DNAH2: variants seen among roughly 807,000 people sequenced by gnomAD.
The protein encoded by DNAH2 is dynein axonemal heavy chain 2, also known as axonemal beta dynein heavy chain 2.
Under a neutral mutation model 523.5 loss-of-function variants are expected in DNAH2, and 323 were observed. The ratio of observed to expected loss-of-function variants is 0.62; its 90% CI spans 0.56 to 0.68. The LOEUF is 0.68. Ranked by LOEUF, DNAH2 falls within the 30% of genes least tolerant of loss-of-function variation. The pLI is 0.00. For synonymous variants in DNAH2, 2,093 were observed against 2,177.4 expected, an observed-to-expected ratio of 0.96 and a Z score of 1.08; for missense variants, 4,907 against 5,701.5, an observed-to-expected ratio of 0.86 and a Z score of 4.49.
At chr17:7,756,922 C>T (rs1198858583) in intron 12 of DNAH2, among the ~76,000 whole-genome samples, 169 bp from the exon 13 acceptor site, 1 of 152,224 alleles carries the variant, frequency 6.6e-6, no homozygotes. Flanking sequence ...CCGCCTGCCT[C>T]GGCCCCACAA....
chr17:7,727,395 C>A, intron 4 of DNAH2, 103 bp downstream of exon 4: 1 of 1,433,396 alleles, frequency 7.0e-7, no homozygotes, highest in South Asian at 1.4e-5. Context: ...TGCCCACGGC[C>A]TATTGAGCCC....
At chr17:7,815,595 G>T (rs1356465618) in intron 63 of DNAH2, among the ~76,000 whole-genome samples, 2 of 148,768 alleles carry the variant, frequency 1.3e-5, no homozygotes, top group Non-Finnish European at 3.0e-5. Context: ...CACATATACA[G>T]GATCACATAC....
At chr17:7,734,061 T>A (rs770356634) in intron 5 of DNAH2, 122 bp from the exon 6 acceptor site, 5 of 795,056 alleles carry the variant, frequency 6.3e-6, no homozygotes, top group Non-Finnish European at 9.9e-6. Flanking sequence ...CACCATTTCT[T>A]CTACCTGCTC....
intron 4 of DNAH2, among the ~76,000 whole-genome samples, chr17:7,727,637 T>C (rs2074861747): frequency 6.6e-6 from 1 of 150,766 alleles, no homozygotes; most frequent in Non-Finnish European, 1.5e-5. Context: ...ACACCTGTAA[T>C]CCCAGCTACT....
At chr17:7,726,631 T>G (rs990123887) in intron 3 of DNAH2, among the ~76,000 whole-genome samples, 5 of 152,084 alleles carry the variant, frequency 3.3e-5, no homozygotes, top group African/African-American at 1.2e-4. Context: ...TCTTTTTCCC[T>G]CCTCACTTTT....
chr17:7,719,576 A>T, intron 1 of DNAH2, 145 bp from the exon 2 acceptor site: 2 of 1,022,328 alleles, frequency 2.0e-6, no homozygotes, highest in Non-Finnish European at 2.9e-6. Flanking sequence ...CCTTGTGGTT[A>T]ATGGAGCAGG....
At chr17:7,806,651 T>C (rs1597724320) in intron 61 of DNAH2, among the ~76,000 whole-genome samples, 1 of 94,698 alleles carries the variant, frequency 1.1e-5, no homozygotes, top group African/African-American at 4.2e-5. Context: ...AGAGCGACAC[T>C]CCATCTCAAA....
rs553890789 is a variant in DNAH2 at position 7,779,506 on chromosome 17, C to T, written c.5722+83C>T. 1.5e-5 allele frequency: 21 copies of T among 1,401,728 alleles called. No individual in the cohort carries two copies. The Admixed American group carries it at 2.0e-4, about 13-fold the overall frequency. The allele number at this position is 1,401,728 out of a possible 1,614,324, so 86.8% of individuals were successfully genotyped here. On this transcript the variant is annotated intron_variant, in intron 36 of 85. Transcript: ENST00000572933. ...AAATAACTGCGCATCCTCCTCTTCC[C>T]CCTTCCATGCGAATGTATATAGCTA...
At chr17:7,830,893 G>T (rs367811420) in intron 79 of DNAH2, 51 bp downstream of exon 79, 1 of 1,608,566 alleles carries the variant, frequency 6.2e-7, no homozygotes, top group Non-Finnish European at 8.5e-7. Context: ...AAGTCAGCCA[G>T]GTGGTGGGAT....
In DNAH2 at chr17:7,777,488, T is replaced by G. The variant is rs75467626; in HGVS notation, c.5101T>G (p.Leu1701Val). 7 of 1,614,170 alleles carry G rather than the reference T, an allele frequency of 4.3e-6. No homozygotes were observed. Among genetic ancestry groups the G allele is most frequent in the Middle Eastern group, 1.6e-4 (1 of 6,062 alleles). ...NKYSEAIRGN[L>V]TKIMRLKIVA... ...GTATTCAGAAGCCATCAGGGGGAAC[T>G]TGACCAAGATCATGCGGCTTAAAAT... The change falls in exon 33 of 86, where the codon TTG becomes GTG. Residue 1701 changes from leucine to valine, a missense_variant. Physicochemically the swap from Leu to Val is conservative, Grantham distance 32 (BLOSUM62 1). This residue lies in a region of DNAH2 where 2,806 missense variants were observed against 3,190.8 expected (regional missense o/e 0.88). Coordinates refer to ENST00000572933, the MANE Select transcript of DNAH2 (RefSeq NM_020877.5).
At position 7,801,949 on chromosome 17, in the gene DNAH2, G is replaced by C. The variant is rs775710408; in HGVS notation, c.8904G>C (p.Leu2968=). The change falls in exon 58 of 86, where the codon CTG becomes CTC. Residue 2968 remains leucine, a synonymous_variant. Coordinates refer to ENST00000572933, the MANE Select transcript of DNAH2 (RefSeq NM_020877.5). ...TAGCTCAGTATTCCCAGAAGATGCT[G>C]TTGGAACTGCGGAGACACAACTATG... ...WSVAQYSQKM[L]LELRRHNYVT... 5.0e-6 allele frequency: 8 copies of C among 1,614,120 alleles called. No homozygotes were observed. Among genetic ancestry groups the C allele is most frequent in the African/African-American group, 2.7e-5 (2 of 74,938 alleles).
chr17:7,830,004 C>T, intron 77 of DNAH2, among the ~76,000 whole-genome samples: 1 of 118,238 alleles, frequency 8.5e-6, no homozygotes, highest in South Asian at 2.7e-4. Flanking sequence ...CCAGCCTGGG[C>T]AACAACAGCG....
intron 50 of DNAH2, 130 bp downstream of exon 50, chr17:7,796,782 C>T (rs2077075875): frequency 1.9e-6 from 2 of 1,071,882 alleles, no homozygotes; most frequent in South Asian, 3.4e-5. Context: ...GTGCCACACT[C>T]CCTGGCCTTA....
intron 8 of DNAH2, chr17:7,738,835 A>C: frequency 1.6e-6 from 1 of 618,626 alleles, no homozygotes; most frequent in Non-Finnish European, 3.0e-6. Flanking sequence ...TGATTTTTCT[A>C]GGGCTTTCCC....
At chr17:7,738,033 C>T (rs1176055385) in intron 8 of DNAH2, 2 of 703,272 alleles carry the variant, frequency 2.8e-6, no homozygotes, top group Non-Finnish European at 5.2e-6. Context: ...GGATATGTCT[C>T]TTCCAGCAAG....
chr17:7,818,011 T>C lies in DNAH2; in HGVS notation c.10302T>C (p.Phe3434=), dbSNP rs776782060. The change falls in exon 68 of 86, where the codon TTT becomes TTC. Residue 3434 remains phenylalanine, a synonymous_variant. Transcript: ENST00000572933. The part of the protein sequence containing the change: ...YLRILEHAIH[F]GYPVLLQNVQ... The stretch of plus-strand genomic sequence containing the variant: ...GAATCCTAGAACACGCCATTCACTT[T>C]GGATACCCGGTGCTACTTCAGAACG... 6.2e-7 allele frequency: 1 copy of C among 1,614,186 alleles called. No individual in the cohort carries two copies. Among genetic ancestry groups the C allele is most frequent in the South Asian group, 1.1e-5 (1 of 91,090 alleles).
chr17:7,817,171 G>T, intron 64 of DNAH2, 119 bp from the exon 65 acceptor site: 7 of 1,375,852 alleles, frequency 5.1e-6, no homozygotes, highest in Non-Finnish European at 6.7e-6. Context: ...CAGGTTTAGG[G>T]GAGGGAAAGA....
In DNAH2 at chr17:7,816,570, G is replaced by T. The variant is rs776437515; in HGVS notation, c.9730-1G>T. ...ATGCGCTATACTCGAATCTCTCCCAGGTAGCTGAGAAACTGGAGATGCTAA... is the reference window on the plus strand; with the variant it reads ...ATGCGCTATACTCGAATCTCTCCCATGTAGCTGAGAAACTGGAGATGCTAA... On this transcript the variant is annotated splice_acceptor_variant, in intron 63 of 85. Transcript: ENST00000572933. LOFTEE classifies it high-confidence loss of function. 6.2e-7 allele frequency: 1 copy of T among 1,614,182 alleles called. No homozygotes were observed. The highest frequency in any genetic ancestry group is 1.1e-5 in the South Asian group (1 of 91,078).
At chr17:7,752,437 GC>G (rs1567640791) in intron 12 of DNAH2, among the ~76,000 whole-genome samples, 1 of 152,086 alleles carries the variant, frequency 6.6e-6, no homozygotes, top group African/African-American at 2.4e-5. Context: ...CAGGCCGCGC[GC>G]GGTGGCTCAC....
Sources: allele counts gnomAD v4.1 joint callset (sites outside exome capture counted in the v4.1 genomes callset), GRCh38; gene constraint gnomAD v4.1.1; regional missense constraint gnomAD v4.1.1; transcripts MANE v1.5; gene names NCBI Gene and HGNC (gene_info 2026-07-23, HGNC 2026-07-21).